The following ITGA2 variants were observed in gnomAD, a reference collection of about 807,000 sequenced individuals.
ITGA2 encodes integrin subunit alpha 2.
ITGA2 carries 101 observed loss-of-function variants against 146.3 expected under a neutral mutation model. The observed-to-expected ratio is 0.69, with a 90% CI of 0.59 to 0.81. ITGA2 has a LOEUF of 0.81. ITGA2 is among the 40% of genes least tolerant of loss of function. The pLI, the probability that ITGA2 is intolerant of heterozygous loss-of-function variation, is 0.00. For missense variants in ITGA2, 1,281 were observed against 1,402.7 expected (o/e 0.91, Z 1.39); for synonymous variants, 477 against 487.1 (o/e 0.98, Z 0.27).
chr5:53,066,699 T>C (rs1025812519), intron 15 of ITGA2, among the ~76,000 whole-genome samples: 5 of 151,912 alleles, frequency 3.3e-5, no homozygotes, highest in African/African-American at 7.2e-5. Context: ...ACTTGTGCTT[T>C]TAAAGAATGA....
At position 53,073,152 on chromosome 5, in the gene ITGA2, A is replaced by T; in HGVS notation, c.2464A>T (p.Arg822Trp). The T allele has an allele frequency of 6.2e-7, 1 of 1,612,330 alleles. No individual in the cohort carries two copies. The highest frequency in any genetic ancestry group is 1.1e-5 in the South Asian group (1 of 91,054). Residue 822 changes from arginine to tryptophan, a missense_variant, in exon 20 of 30, where the codon AGG becomes TGG. Around this residue, in one of 3 missense-constraint regions of ITGA2, gnomAD observed 475 missense variants for 530.5 expected, o/e 0.90. Transcript: ENST00000296585. The part of the protein sequence containing the change: ...QPFIVSNQNK[R>W]LTFSVTLKNK... ...CTTTATTGTCAGCAACCAAAACAAA[A>T]GGTTAACATTTTCAGTAACGCTGAA...
At chr5:53,057,569 A>G (rs1181935159) in intron 9 of ITGA2, among the ~76,000 whole-genome samples, 1 of 151,968 alleles carries the variant, frequency 6.6e-6, no homozygotes, top group Non-Finnish European at 1.5e-5. Flanking sequence ...CTACAGATCA[A>G]TTGCCCAGCC....
At chr5:53,066,486 C>A (rs1330065723) in intron 15 of ITGA2, among the ~76,000 whole-genome samples, 1 of 151,766 alleles carries the variant, frequency 6.6e-6, no homozygotes, top group Non-Finnish European at 1.5e-5. Context: ...GTGTGAAGGT[C>A]ATGTGATTCA....
At chr5:53,061,927 T>A (rs1375266804) in intron 12 of ITGA2, among the ~76,000 whole-genome samples, 2 of 151,928 alleles carry the variant, frequency 1.3e-5, no homozygotes, top group Non-Finnish European at 2.9e-5. Context: ...CACATACTTT[T>A]CTCTCTTTTT....
At chr5:52,990,590 A>G (rs1298395396) in intron 1 of ITGA2, among the ~76,000 whole-genome samples, 2 of 150,256 alleles carry the variant, frequency 1.3e-5, no homozygotes, top group African/African-American at 2.4e-5. Flanking sequence ...TTTTTTTACA[A>G]AGAAGATAAA....
intron 1 of ITGA2, among the ~76,000 whole-genome samples, chr5:53,013,397 G>A (rs577110691): frequency 7.1e-6 from 1 of 141,398 alleles, no homozygotes; most frequent in African/African-American, 2.7e-5. Context: ...TGTCAACTTT[G>A]TCGAAGATCA....
intron 7 of ITGA2, among the ~76,000 whole-genome samples, chr5:53,053,561 G>A (rs993542040): frequency 6.6e-6 from 1 of 152,086 alleles, no homozygotes; most frequent in African/African-American, 2.4e-5. Context: ...GGCGAGCTTT[G>A]TTCTCCAGGA....
rs1177356170 is a variant in ITGA2, at chr5:53,062,769, A to G, written c.1459-17A>G. 4.4e-6 allele frequency: 7 copies of G among 1,609,162 alleles called. No homozygotes were observed. Among genetic ancestry groups the G allele is most frequent in the South Asian group, 1.1e-5 (1 of 91,004 alleles). ...GAATCCTAGGAATTCTAAGTTTAAC[A>G]TGTTTTATTACTCCAGATTGGCTCC... On this transcript the variant is annotated splice_polypyrimidine_tract_variant and intron_variant, in intron 12 of 29. Coordinates refer to ENST00000296585, the MANE Select transcript of ITGA2 (RefSeq NM_002203.4).
intron 13 of ITGA2, among the ~76,000 whole-genome samples, chr5:53,063,393 C>T (rs1744990082): frequency 6.6e-6 from 1 of 151,820 alleles, no homozygotes. Context: ...ATTAGTTTGT[C>T]AGGAAGTGTC....
At chr5:53,046,194 CAA>C (rs58926174) in intron 4 of ITGA2, among the ~76,000 whole-genome samples, 54,899 of 98,162 alleles carry the variant, frequency 0.56, 11,795 homozygotes, top group Admixed American at 0.62. Flanking sequence ...GACTCTGTCT[CAA>C]AAAAAAAAAA....
At position 53,050,916 on chromosome 5, in the gene ITGA2, C is replaced by T. The variant is rs564489951; in HGVS notation, c.631-495C>T. On this transcript the variant is annotated intron_variant, in intron 6 of 29. Coordinates refer to ENST00000296585, the MANE Select transcript of ITGA2 (RefSeq NM_002203.4). ...ACAATAAATAGACCTCAATTGACTA[C>T]GCTGATTAGGAGCACATTGGTTTTT... Among the ~76,000 whole-genome samples the T allele has an allele frequency of 5.9e-5, 9 of 152,288 alleles. No homozygotes were observed. In the South Asian group the frequency reaches 1.0e-3, roughly 18 times the overall value.
chr5:53,002,041 C>G (rs773014061), intron 1 of ITGA2, among the ~76,000 whole-genome samples: 40 of 151,902 alleles, frequency 2.6e-4, no homozygotes, highest in Non-Finnish European at 5.0e-4. Context: ...TTTAGAGTCC[C>G]CTTTTAAAAA....
chr5:52,992,001 A>G (rs1030716025), intron 1 of ITGA2, among the ~76,000 whole-genome samples: 8 of 151,610 alleles, frequency 5.3e-5, no homozygotes, highest in Non-Finnish European at 8.8e-5. Context: ...TAGTCCTTCC[A>G]CCCAGGTTCT....
chr5:52,989,649 A>G (rs746838126), intron 1 of ITGA2, 117 bp downstream of exon 1: 209 of 1,154,482 alleles, frequency 1.8e-4, no homozygotes, highest in Middle Eastern at 1.5e-3. Flanking sequence ...CTCGGATTCC[A>G]CGTGGACTCG....
At chr5:53,028,193 T>C (rs926315514) in intron 2 of ITGA2, among the ~76,000 whole-genome samples, 1 of 152,170 alleles carries the variant, frequency 6.6e-6, no homozygotes, top group Non-Finnish European at 1.5e-5. Context: ...GGATCACATG[T>C]TGGGGCATGC....
intron 1 of ITGA2, among the ~76,000 whole-genome samples, chr5:53,012,454 G>A (rs1307457046): frequency 1.3e-5 from 2 of 152,030 alleles, no homozygotes; most frequent in Non-Finnish European, 2.9e-5. Flanking sequence ...AGCATTTATT[G>A]CTTTCTATTA....
At chr5:53,000,105 T>G (rs1741490523) in intron 1 of ITGA2, among the ~76,000 whole-genome samples, 1 of 152,128 alleles carries the variant, frequency 6.6e-6, no homozygotes, top group African/African-American at 2.4e-5. Flanking sequence ...TACATATTAT[T>G]TTGTTTTTGA....
intron 23 of ITGA2, among the ~76,000 whole-genome samples, chr5:53,075,614 A>C (rs893678725): frequency 6.6e-6 from 1 of 151,950 alleles, no homozygotes; most frequent in African/African-American, 2.4e-5. Flanking sequence ...AAATGTTGAA[A>C]CAGAACTCTC....
At chr5:53,056,221 CT>C in intron 9 of ITGA2, 72 bp downstream of exon 9, 1 of 1,399,798 alleles carries the variant, frequency 7.1e-7, no homozygotes, top group South Asian at 1.2e-5. Context: ...CACATATTTG[CT>C]TTACTAATGT....
Sources: gnomAD v4.1 joint callset for allele counts (sites outside exome capture counted in the v4.1 genomes callset) on GRCh38, gnomAD v4.1.1 for gene constraint, gnomAD v4.1.1 regional missense constraint, MANE v1.5 for transcripts, NCBI Gene and HGNC (gene_info 2026-07-23, HGNC 2026-07-21) for gene names.